CACNA1C: variants seen among roughly 807,000 people sequenced by gnomAD.
The protein encoded by CACNA1C is voltage-dependent L-type calcium channel subunit alpha-1C.
Under a neutral mutation model 229.0 loss-of-function variants are expected in CACNA1C, and 30 were observed. The observed-to-expected ratio is 0.13, with a 90% CI of 0.10 to 0.18. The LOEUF (loss-of-function observed/expected upper bound fraction) is 0.18. Ranked by LOEUF, CACNA1C falls within the 10% of genes least tolerant of loss-of-function variation. The pLI, the probability that CACNA1C is intolerant of heterozygous loss-of-function variation, is 1.00. For synonymous variants in CACNA1C, 1,114 were observed against 1,132.5 expected, an observed-to-expected ratio of 0.98 and a Z score of 0.33; for missense variants, 1,658 against 2,845.0, an observed-to-expected ratio of 0.58 and a Z score of 9.49.
At chr12:2,282,532 G>C (rs960154682) in intron 3 of CACNA1C, among the ~76,000 whole-genome samples, 1 of 152,198 alleles carries the variant, frequency 6.6e-6, no homozygotes, top group African/African-American at 2.4e-5. Flanking sequence ...GGAAAGCTTT[G>C]TCTGAGACAA....
intron 3 of CACNA1C, among the ~76,000 whole-genome samples, chr12:2,265,760 T>C (rs959392753): frequency 2.0e-5 from 3 of 152,228 alleles, no homozygotes; most frequent in African/African-American, 4.8e-5. Flanking sequence ...CCTTCCTTTC[T>C]GTCAGCCTGA....
At chr12:2,683,932 G>A (rs910462627) in intron 43 of CACNA1C, among the ~76,000 whole-genome samples, 9 of 152,238 alleles carry the variant, frequency 5.9e-5, no homozygotes, top group African/African-American at 1.9e-4. Flanking sequence ...GGCCCAGGGC[G>A]GGAGGGAAGC....
At chr12:2,622,447 A>C (rs2083800902) in intron 29 of CACNA1C, among the ~76,000 whole-genome samples, 2 of 151,948 alleles carry the variant, frequency 1.3e-5, no homozygotes, top group South Asian at 4.2e-4. Context: ...GAGGTCCCTG[A>C]CTCTGCCCCT....
chr12:2,394,612 T>G (rs1467928180), intron 3 of CACNA1C, among the ~76,000 whole-genome samples: 1 of 152,180 alleles, frequency 6.6e-6, no homozygotes, highest in Admixed American at 6.5e-5. Context: ...CTGGAAGGCC[T>G]CCTCTCTGGG....
In CACNA1C at chr12:2,689,655, G is replaced by A. The variant is rs150302913; in HGVS notation, c.6117+876G>A. Among the ~76,000 whole-genome samples, 1 of 152,130 alleles carries A rather than the reference G, an allele frequency of 6.6e-6. No individual in the cohort carries two copies. The highest frequency in any genetic ancestry group is 1.5e-5 in the Non-Finnish European group (1 of 68,004). Reference sequence around the variant, plus strand: ...CAGGCTGTGGTGCAGGAGGTGGGGCGTTAAACCAGGTGGCTTCCAAGGTTT... The same window carrying A: ...CAGGCTGTGGTGCAGGAGGTGGGGCATTAAACCAGGTGGCTTCCAAGGTTT... On this transcript the variant is annotated intron_variant, in intron 46 of 46. Coordinates refer to ENST00000399655, the MANE Select transcript of CACNA1C (RefSeq NM_000719.7). The surrounding 1 kb of genome is among the most constrained non-coding windows in gnomAD (Gnocchi z 4.2).
intron 1 of CACNA1C, among the ~76,000 whole-genome samples, chr12:1,995,979 T>C (rs191529662): frequency 6.6e-6 from 1 of 152,226 alleles, no homozygotes; most frequent in Non-Finnish European, 1.5e-5. Context: ...TCAAGCCACA[T>C]TCTTGACCTC....
At chr12:2,393,568 C>T (rs61907801) in intron 3 of CACNA1C, among the ~76,000 whole-genome samples, 9 of 152,324 alleles carry the variant, frequency 5.9e-5, no homozygotes, top group South Asian at 4.1e-4. Context: ...AGAACTTCTC[C>T]GAGCCTCTGT....
At chr12:2,070,189 A>G (rs2060692704) in intron 1 of CACNA1C, among the ~76,000 whole-genome samples, 1 of 152,232 alleles carries the variant, frequency 6.6e-6, no homozygotes, top group South Asian at 2.1e-4. Context: ...GCCTTGCTCC[A>G]TGACTTCAAA....
At chr12:2,503,650 G>A (rs1237611036) in intron 7 of CACNA1C, among the ~76,000 whole-genome samples, 1 of 152,202 alleles carries the variant, frequency 6.6e-6, no homozygotes, top group Non-Finnish European at 1.5e-5. Context: ...ACGGAGCTGG[G>A]AAGAGATGTG....
chr12:2,191,130 A>G (rs537762921), intron 3 of CACNA1C, among the ~76,000 whole-genome samples: 147 of 152,192 alleles, frequency 9.7e-4, no homozygotes, highest in African/African-American at 3.3e-3. Flanking sequence ...GGGCGTCAGG[A>G]GAGGCTCTGT....
chr12:2,426,697 C>T (rs907091150), intron 3 of CACNA1C, among the ~76,000 whole-genome samples: 1 of 152,240 alleles, frequency 6.6e-6, no homozygotes, highest in Non-Finnish European at 1.5e-5. Flanking sequence ...TAGCAGGGCT[C>T]CACTGATCTT....
At chr12:2,004,470 A>G (rs555449814) in intron 1 of CACNA1C, 1 of 1,579,848 alleles carries the variant, frequency 6.3e-7, no homozygotes, top group Admixed American at 1.7e-5. Context: ...GGCTCTTGGA[A>G]GCCACTCTCA....
intron 5 of CACNA1C, among the ~76,000 whole-genome samples, chr12:2,462,643 GCT>G (rs1361889226): frequency 6.6e-6 from 1 of 152,238 alleles, no homozygotes; most frequent in Non-Finnish European, 1.5e-5. Context: ...GGCTGGCATA[GCT>G]TCACATCACA....
chr12:2,155,919 C>G (rs755937691), intron 3 of CACNA1C, among the ~76,000 whole-genome samples: 2 of 151,948 alleles, frequency 1.3e-5, no homozygotes, highest in East Asian at 3.9e-4. Context: ...TTTTTCTGTC[C>G]CCTCCATAGT....
intron 7 of CACNA1C, among the ~76,000 whole-genome samples, chr12:2,502,752 A>G (rs1568079376): frequency 6.6e-6 from 1 of 152,202 alleles, no homozygotes; most frequent in East Asian, 1.9e-4. Flanking sequence ...GAACATGTTT[A>G]TCCAGCGTAC....
chr12:2,074,088 T>C (rs534885513), intron 1 of CACNA1C, among the ~76,000 whole-genome samples: 1 of 152,290 alleles, frequency 6.6e-6, no homozygotes, highest in South Asian at 2.1e-4. Flanking sequence ...AGCAAGTTGA[T>C]TCAATCATTG....
chr12:2,186,778 A>G (rs1023611720), intron 3 of CACNA1C, among the ~76,000 whole-genome samples: 2 of 152,214 alleles, frequency 1.3e-5, no homozygotes, highest in African/African-American at 4.8e-5. Context: ...CCGATGGGGA[A>G]GCTCTCATTA....
intron 5 of CACNA1C, among the ~76,000 whole-genome samples, chr12:2,484,764 G>A (rs1321849040): frequency 1.4e-5 from 2 of 144,014 alleles, no homozygotes; most frequent in East Asian, 2.0e-4. Context: ...AACTTTCTTC[G>A]CGGCTCTGCA....
Position 2,585,520 on chromosome 12 carries a change from A to G in CACNA1C, c.2460+24A>G, listed in dbSNP as rs754690439. The G allele has an allele frequency of 9.8e-6, 15 of 1,537,742 alleles. 1 individual carries two copies. In the Middle Eastern group the frequency reaches 9.1e-4, roughly 93 times the overall value. On this transcript the variant is annotated intron_variant, in intron 17 of 46. Transcript: ENST00000399655. The surrounding 1 kb of genome is among the most constrained non-coding windows in gnomAD (Gnocchi z 4.1). Reference sequence around the variant, plus strand: ...AGGTGAGGAGCTGTCTCCTTCCTGGAGCTGTGAGGCCGGTGCTGGGGAGGG... The same window carrying G: ...AGGTGAGGAGCTGTCTCCTTCCTGGGGCTGTGAGGCCGGTGCTGGGGAGGG...
Sources: gnomAD v4.1 joint callset for allele counts (sites outside exome capture counted in the v4.1 genomes callset) on GRCh38, gnomAD v4.1.1 for gene constraint, Gnocchi (gnomAD v3.1) non-coding constraint, MANE v1.5 for transcripts, NCBI Gene and HGNC (gene_info 2026-07-23, HGNC 2026-07-21) for gene names.